VWA5B1: variants seen among roughly 807,000 people sequenced by gnomAD.
VWA5B1 encodes the protein von Willebrand factor A domain-containing protein 5B1.
VWA5B1 carries 115 observed loss-of-function variants against 118.2 expected under a neutral mutation model. The observed-to-expected ratio is 0.97, with a 90% confidence interval of 0.84 to 1.14. The LOEUF (loss-of-function observed/expected upper bound fraction) is 1.14, where lower values mean the gene tolerates loss of function less well. Ranked by LOEUF, VWA5B1 falls within the 50% of genes most tolerant of loss-of-function variation. VWA5B1 has a pLI of 0.00. For synonymous variants in VWA5B1, 682 were observed against 658.4 expected (o/e 1.04, Z -0.55); for missense variants, 1,596 against 1,603.8 (o/e 1.00, Z 0.08).
intron 1 of VWA5B1, among the ~76,000 whole-genome samples, chr1:20,296,448 T>C (rs543870845): frequency 9.2e-5 from 14 of 152,324 alleles, no homozygotes; most frequent in African/African-American, 3.4e-4. Context: ...CACAAGGCCA[T>C]AGATAAATGA....
In VWA5B1 at chr1:20,356,107, C is replaced by T. The variant is rs971523362; in HGVS notation, c.*1844C>T. Among the ~76,000 whole-genome samples the T allele has an allele frequency of 1.3e-5, 2 of 152,236 alleles. No individual in the cohort carries two copies. The highest frequency in any genetic ancestry group is 4.8e-5 in the African/African-American group (2 of 41,460). ...CTTTGTCATCTCCCTGCACACTCCC[C>T]ATCCCCTGCCAAAATCACTTCTTTA... On this transcript the variant is annotated 3_prime_UTR_variant, in exon 22 of 22. Coordinates refer to ENST00000289815, the MANE Select transcript of VWA5B1 (RefSeq NM_001039500.3).
At chr1:20,311,016 A>G (rs1052097886) in intron 2 of VWA5B1, among the ~76,000 whole-genome samples, 40 of 152,276 alleles carry the variant, frequency 2.6e-4, no homozygotes, top group African/African-American at 8.2e-4. Flanking sequence ...TCTGTCGCCC[A>G]GGCTTGAATG....
intron 2 of VWA5B1, among the ~76,000 whole-genome samples, chr1:20,311,114 G>T (rs571230082): frequency 6.6e-6 from 1 of 152,120 alleles, no homozygotes; most frequent in Non-Finnish European, 1.5e-5. Flanking sequence ...CTGGGACTAC[G>T]GGCATGTGCC....
intron 8 of VWA5B1, among the ~76,000 whole-genome samples, chr1:20,327,580 G>A (rs1355052221): frequency 1.3e-5 from 2 of 151,918 alleles, no homozygotes; most frequent in Non-Finnish European, 2.9e-5. Context: ...GAACTGGAAA[G>A]CCATAATAGA....
Position 20,354,354 on chromosome 1 carries a change from C to A in VWA5B1, c.*91C>A, listed in dbSNP as rs1208057203. 1 of 1,411,904 alleles carries A rather than the reference C, an allele frequency of 7.1e-7. No individual in the cohort carries two copies. Among genetic ancestry groups the A allele is most frequent in the South Asian group, 1.5e-5 (1 of 68,630 alleles). The allele number at this position is 1,411,904 out of a possible 1,614,324, so 87.5% of individuals were successfully genotyped here. A position where few individuals can be genotyped will look rare whatever the true frequency, so the allele number is the denominator to read the frequency against. On this transcript the variant is annotated 3_prime_UTR_variant, in exon 22 of 22. Coordinates refer to ENST00000289815, the MANE Select transcript of VWA5B1 (RefSeq NM_001039500.3). ...GCCTGGTTTCGGGGAGCTTTTGGAG[C>A]TGTAACTAATATTTCAGTTACTAGA...
intron 1 of VWA5B1, among the ~76,000 whole-genome samples, chr1:20,291,321 A>G (rs1383792500): frequency 6.9e-6 from 1 of 145,640 alleles, no homozygotes; most frequent in Non-Finnish European, 1.5e-5. Flanking sequence ...GTTGCTACTC[A>G]GGTCCAGCTC....
intron 1 of VWA5B1, among the ~76,000 whole-genome samples, chr1:20,308,623 T>C (rs1278574928): frequency 1.3e-5 from 2 of 152,158 alleles, no homozygotes; most frequent in Admixed American, 6.5e-5. Flanking sequence ...GAGAGAGATC[T>C]CCTGAGAGAA....
At position 20,314,471 on chromosome 1, in the gene VWA5B1, T is replaced by G. The variant is rs1219084022; in HGVS notation, c.442T>G (p.Ser148Ala). Residue 148 changes from serine to alanine, a missense_variant, in exon 4 of 22, where the codon TCC becomes GCC. By Grantham distance (99) the Ser-to-Ala change is moderately conservative. Transcript: ENST00000289815. The stretch of plus-strand genomic sequence containing the variant: ...GAATGTCACCATCTTCATCAGCACC[T>G]CCTCGGAGCTCCCAACGCTGCCCAG... The part of the protein sequence containing the change: ...MENVTIFIST[S>A]SELPTLPSGA... 2.4e-5 allele frequency: 38 copies of G among 1,551,594 alleles called. No individual in the cohort carries two copies. The highest frequency in any genetic ancestry group is 3.0e-5 in the Non-Finnish European group (34 of 1,147,000).
At chr1:20,326,063 A>G (rs1237830968) in intron 8 of VWA5B1, among the ~76,000 whole-genome samples, 1 of 152,256 alleles carries the variant, frequency 6.6e-6, no homozygotes, top group East Asian at 1.9e-4. Flanking sequence ...GACAATCTGT[A>G]TGGATCAGCA....
At position 20,336,425 on chromosome 1, in the gene VWA5B1, C is replaced by A. The variant is rs1230084243; in HGVS notation, c.1881C>A (p.Pro627=). The A allele has an allele frequency of 6.6e-7, 1 of 1,518,860 alleles. No homozygotes were observed. The highest frequency in any genetic ancestry group is 8.9e-7 in the Non-Finnish European group (1 of 1,129,764). 94.1% of individuals were successfully genotyped at this position (1,518,860 alleles called of 1,614,324 possible). A position where few individuals can be genotyped will look rare whatever the true frequency, so the allele number is the denominator to read the frequency against. ...ACTGTGCCAAGAACTCGGGGGCACC[C>A]TTCATCCTAGGGCAGGCCAAAAATG... is the stretch of plus-strand genomic sequence containing the variant. ...GGDCAKNSGA[P]FILGQAKNAR... is the part of the protein sequence containing the mutation. The change falls in exon 13 of 22, where the codon CCC becomes CCA. Residue 627 remains proline, a synonymous_variant. Coordinates refer to ENST00000289815, the MANE Select transcript of VWA5B1 (RefSeq NM_001039500.3).
chr1:20,306,439 T>C (rs1447275166), intron 1 of VWA5B1, among the ~76,000 whole-genome samples: 1 of 152,122 alleles, frequency 6.6e-6, no homozygotes, highest in Non-Finnish European at 1.5e-5. Flanking sequence ...CCACTGGGAA[T>C]AGACTGTAAG....
At chr1:20,311,692 C>T (rs186724268) in intron 2 of VWA5B1, among the ~76,000 whole-genome samples, 2 of 152,138 alleles carry the variant, frequency 1.3e-5, no homozygotes, top group Admixed American at 6.5e-5. Flanking sequence ...AGTGATGGGG[C>T]CTCATAACCA....
rs570267661 is a variant in VWA5B1 at position 20,317,717 on chromosome 1, G to A, written c.709+42G>A. ...CAGACGGGATGGGTGAGCTTCAGGC[G>A]AAAAGCCAAAGGCTGCCAGGGATGG... On this transcript the variant is annotated intron_variant, in intron 5 of 21. Coordinates refer to ENST00000289815, the MANE Select transcript of VWA5B1 (RefSeq NM_001039500.3). 3.2e-4 allele frequency: 480 copies of A among 1,489,844 alleles called. 1 individual carries two copies. Among genetic ancestry groups the A allele is most frequent in the South Asian group, 6.0e-4 (48 of 79,796 alleles). The allele number at this position is 1,489,844 out of a possible 1,614,324, so 92.3% of individuals were successfully genotyped here. A position where few individuals can be genotyped will look rare whatever the true frequency, so the allele number is the denominator to read the frequency against.
intron 1 of VWA5B1, among the ~76,000 whole-genome samples, chr1:20,309,809 G>C (rs2088788102): frequency 6.6e-6 from 1 of 152,086 alleles, no homozygotes; most frequent in Non-Finnish European, 1.5e-5. Flanking sequence ...CAGAGGTGGT[G>C]GTGGCCTGGG....
intron 7 of VWA5B1, among the ~76,000 whole-genome samples, chr1:20,320,212 A>G (rs1177300877): frequency 1.3e-5 from 2 of 152,214 alleles, no homozygotes; most frequent in Non-Finnish European, 2.9e-5. Flanking sequence ...TCTGGCACCC[A>G]AAGATCACCA....
chr1:20,307,819 T>A lies in VWA5B1; in HGVS notation c.-26-2757T>A, dbSNP rs1306226894. Reference sequence around the variant, plus strand: ...AAGGGGTTCTGACATTCTTTTTTTTTTTTTTGTAATATAGATTTTGGTTTT... The same window carrying A: ...AAGGGGTTCTGACATTCTTTTTTTTATTTTTGTAATATAGATTTTGGTTTT... On this transcript the variant is annotated intron_variant, in intron 1 of 21. Transcript: ENST00000289815. 2.6e-5 allele frequency among the ~76,000 whole-genome samples: 4 copies of A among 152,214 alleles called. No homozygotes were observed. In the East Asian group the frequency reaches 7.7e-4, roughly 29 times the overall value.
intron 16 of VWA5B1, 133 bp downstream of exon 16, chr1:20,343,526 G>T (rs1233772585): frequency 1.6e-4 from 220 of 1,370,810 alleles, no homozygotes; most frequent in Non-Finnish European, 2.0e-4. Flanking sequence ...CTGCTTCCCG[G>T]GTCCTACCCC....
chr1:20,314,572 C>G lies in VWA5B1; in HGVS notation c.543C>G (p.Thr181=), dbSNP rs770712276. 1 of 1,551,506 alleles carries G rather than the reference C, an allele frequency of 6.4e-7. No homozygotes were observed. Among genetic ancestry groups the G allele is most frequent in the Non-Finnish European group, 8.7e-7 (1 of 1,146,982 alleles). The change falls in exon 4 of 22, where the codon ACC becomes ACG. Residue 181 remains threonine, a synonymous_variant. Transcript: ENST00000289815. ...AGTTCTGCACCAAGAGCACTGGCAC[C>G]TCCAACCAACAGGCCCAGGGGTAAG... ...VPQFCTKSTG[T]SNQQAQGKDR... is the part of the protein sequence containing the mutation.
chr1:20,342,872 G>A (rs2089912480), intron 15 of VWA5B1, among the ~76,000 whole-genome samples: 2 of 152,158 alleles, frequency 1.3e-5, no homozygotes, highest in African/African-American at 4.8e-5. Flanking sequence ...CTGGCTTCCT[G>A]GGAGGCGGAT....
Sources: gnomAD v4.1 joint callset for allele counts (sites outside exome capture counted in the v4.1 genomes callset) on GRCh38, gnomAD v4.1.1 for gene constraint, MANE v1.5 for transcripts, NCBI Gene and HGNC (gene_info 2026-07-23, HGNC 2026-07-21) for gene names.